Variants in NRXN3 observed in about 807,000 individuals in gnomAD.
NRXN3 encodes the protein neurexin III.
Under a neutral mutation model 137.6 loss-of-function variants are expected in NRXN3, and 32 were observed. The ratio of observed to expected loss-of-function variants is 0.23; its 90% CI spans 0.18 to 0.31. The LOEUF (loss-of-function observed/expected upper bound fraction) is 0.31, where lower values mean the gene tolerates loss of function less well. NRXN3 is among the 10% of genes least tolerant of loss of function. The pLI, the probability that NRXN3 is intolerant of heterozygous loss-of-function variation, is 1.00. For synonymous variants in NRXN3, 798 were observed against 784.5 expected, an observed-to-expected ratio of 1.02 and a Z score of -0.29; for missense variants, 1,574 against 2,062.5, an observed-to-expected ratio of 0.76 and a Z score of 4.59.
At chr14:78,989,312 C>A (rs530168773) in intron 15 of NRXN3, among the ~76,000 whole-genome samples, 1 of 152,250 alleles carries the variant, frequency 6.6e-6, no homozygotes, top group Admixed American at 6.5e-5. Flanking sequence ...TTCTTTATTT[C>A]TCAGCTTTTT....
intron 15 of NRXN3, among the ~76,000 whole-genome samples, chr14:78,996,488 A>G (rs1282025393): frequency 6.6e-6 from 1 of 152,234 alleles, no homozygotes; most frequent in East Asian, 1.9e-4. Flanking sequence ...ATAGGGGTTT[A>G]GATTCACATT....
chr14:78,948,628 C>CTTTTTTTTTTTTTTTTTTTTT (rs201010514), intron 10 of NRXN3, among the ~76,000 whole-genome samples: 2 of 108,604 alleles, frequency 1.8e-5, no homozygotes, highest in Non-Finnish European at 3.8e-5. Context: ...ACACATTTAA[C>CTTTTTTTTTTTTTTTTTTTTT]TTTTTTTTTT....
At chr14:79,504,464 G>A (rs548543689) in intron 16 of NRXN3, among the ~76,000 whole-genome samples, 16 of 150,936 alleles carry the variant, frequency 1.1e-4, no homozygotes, top group South Asian at 8.4e-4. Context: ...ATAAACTTAC[G>A]TCTTCCAAAA....
chr14:78,182,375 G>T (rs1482245223), intron 1 of NRXN3, among the ~76,000 whole-genome samples: 1 of 152,046 alleles, frequency 6.6e-6, no homozygotes, highest in Non-Finnish European at 1.5e-5. Flanking sequence ...AAGGACAGAT[G>T]GGGGTCAGAA....
chr14:78,779,657 C>T (rs1221672518), intron 8 of NRXN3, among the ~76,000 whole-genome samples: 1 of 152,112 alleles, frequency 6.6e-6, no homozygotes, highest in South Asian at 2.1e-4. Context: ...TCTAATTATC[C>T]TCTCCCTACA....
At chr14:79,205,275 C>A (rs2066631542) in intron 15 of NRXN3, among the ~76,000 whole-genome samples, 1 of 152,112 alleles carries the variant, frequency 6.6e-6, no homozygotes, top group Non-Finnish European at 1.5e-5. Context: ...TCATTCAATC[C>A]ATTTAACAGT....
At position 78,782,355 on chromosome 14, in the gene NRXN3, T is replaced by G. The variant is rs747957626; in HGVS notation, c.2045-21265T>G. 6.6e-5 allele frequency among the ~76,000 whole-genome samples: 10 copies of G among 152,330 alleles called. No homozygotes were observed. In the East Asian group the frequency reaches 1.9e-3, roughly 29 times the overall value. On this transcript the variant is annotated intron_variant, in intron 8 of 20. Transcript: ENST00000335750. ...GAGCTCTCCCACTAGAATTCTGGTA[T>G]GTTTGGGAAAAATTAATTACTAAAA... is the stretch of plus-strand genomic sequence containing the variant.
At chr14:78,906,068 G>T (rs1222734621) in intron 10 of NRXN3, among the ~76,000 whole-genome samples, 3 of 151,790 alleles carry the variant, frequency 2.0e-5, no homozygotes, top group Non-Finnish European at 4.4e-5. Context: ...CATAAAAATT[G>T]GTGCATTGGT....
At chr14:79,134,428 G>A (rs1333917347) in intron 15 of NRXN3, among the ~76,000 whole-genome samples, 2 of 152,106 alleles carry the variant, frequency 1.3e-5, no homozygotes, top group Non-Finnish European at 2.9e-5. Context: ...AGTTCTTCAG[G>A]CAGCAATTTA....
chr14:78,549,228 G>T (rs2096663997), intron 4 of NRXN3, among the ~76,000 whole-genome samples: 1 of 152,174 alleles, frequency 6.6e-6, no homozygotes, highest in African/African-American at 2.4e-5. Flanking sequence ...ACTGTTTCAA[G>T]TTTGTACAGG....
In NRXN3 at chr14:78,360,809, T is replaced by G. The variant is rs75645711; in HGVS notation, c.757+62949T>G. On this transcript the variant is annotated intron_variant, in intron 4 of 20. Transcript: ENST00000335750. ...CAGAGGAACTCCAAATCTGATGGAT[T>G]TCTATTTTTGGCAGCTCTCCATGTA... 8.2e-3 allele frequency among the ~76,000 whole-genome samples: 1,251 copies of G among 152,332 alleles called. 41 individuals carry two copies. In the East Asian group the frequency reaches 0.085, roughly 10 times the overall value.
chr14:78,573,158 C>G (rs1259090332), intron 4 of NRXN3, among the ~76,000 whole-genome samples: 3 of 152,176 alleles, frequency 2.0e-5, no homozygotes, highest in Non-Finnish European at 4.4e-5. Flanking sequence ...TTCCTGAGGT[C>G]TCACCAGCCA....
chr14:78,718,509 T>C (rs1188206331), intron 8 of NRXN3, among the ~76,000 whole-genome samples: 2 of 152,084 alleles, frequency 1.3e-5, no homozygotes, highest in African/African-American at 4.8e-5. Context: ...ATCAGCCAAG[T>C]ATAAGAGAGT....
At chr14:78,712,981 T>A (rs1226950946) in intron 7 of NRXN3, among the ~76,000 whole-genome samples, 2 of 152,244 alleles carry the variant, frequency 1.3e-5, no homozygotes, top group African/African-American at 4.8e-5. Context: ...GAAGGCTGAC[T>A]GATGGATGGC....
chr14:78,492,987 T>G (rs989766011), intron 4 of NRXN3, among the ~76,000 whole-genome samples: 1 of 152,204 alleles, frequency 6.6e-6, no homozygotes. Context: ...TGATTTTGTC[T>G]TTATGTTTAT....
At chr14:78,770,069 A>G (rs1028820145) in intron 8 of NRXN3, among the ~76,000 whole-genome samples, 6 of 152,148 alleles carry the variant, frequency 3.9e-5, no homozygotes, top group African/African-American at 1.4e-4. Flanking sequence ...ATCTGTATTT[A>G]TACAGATTTA....
intron 4 of NRXN3, among the ~76,000 whole-genome samples, chr14:78,332,601 G>A (rs2080968290): frequency 6.6e-6 from 1 of 152,022 alleles, no homozygotes; most frequent in Admixed American, 6.6e-5. Context: ...GGAGTGAGCC[G>A]CTGCACCCAG....
intron 4 of NRXN3, among the ~76,000 whole-genome samples, chr14:78,542,709 G>A (rs956423981): frequency 6.6e-6 from 1 of 152,110 alleles, no homozygotes; most frequent in African/African-American, 2.4e-5. Flanking sequence ...TGTCTAACCA[G>A]TCCCAGTAAG....
At chr14:78,268,782 T>G (rs942722003) in intron 2 of NRXN3, among the ~76,000 whole-genome samples, 1 of 152,236 alleles carries the variant, frequency 6.6e-6, no homozygotes, top group Admixed American at 6.5e-5. Context: ...AATGAGGTTA[T>G]TTACATACAC....
Sources: allele counts gnomAD v4.1 joint callset (sites outside exome capture counted in the v4.1 genomes callset), GRCh38; gene constraint gnomAD v4.1.1; transcripts MANE v1.5; gene names NCBI Gene and HGNC (gene_info 2026-07-23, HGNC 2026-07-21).